The following CDHR1 variants were observed in gnomAD, a reference collection of about 807,000 sequenced individuals.
CDHR1 encodes the protein cadherin-related family member 1.
Under a neutral mutation model 72.1 loss-of-function variants are expected in CDHR1, and 61 were observed. That is an observed-to-expected ratio of 0.85 (90% CI 0.69 to 1.05). The LOEUF (loss-of-function observed/expected upper bound fraction) is 1.05. Among genes scored for constraint, CDHR1 ranks in the 50% least tolerant of loss-of-function variants. The probability of loss-of-function intolerance (pLI) is 0.00; values close to 1 mark genes in which losing one functional copy is unlikely to be tolerated. For synonymous variants in CDHR1, 470 were observed against 448.1 expected (o/e 1.05, Z -0.62); for missense variants, 1,186 against 1,115.7 (o/e 1.06, Z -0.90).
Position 84,217,879 on chromosome 10 carries a change from C to G in CDHR1, c.*3258C>G. 1.0e-6 allele frequency: 1 copy of G among 985,462 alleles called. No homozygotes were observed. The highest frequency in any genetic ancestry group is 1.2e-6 in the Non-Finnish European group (1 of 829,982). The allele number at this position is 985,462 out of a possible 1,614,324, so 61.0% of individuals were successfully genotyped here. A position where few individuals can be genotyped will look rare whatever the true frequency, so the allele number is the denominator to read the frequency against. Reference sequence around the variant, plus strand: ...GTTGACATTCCAGGGGAGTTAGGAACAATGAGAGGTCTCTAAGAACTTGTG... The same window carrying G: ...GTTGACATTCCAGGGGAGTTAGGAAGAATGAGAGGTCTCTAAGAACTTGTG... On this transcript the variant is annotated 3_prime_UTR_variant, in exon 17 of 17. Transcript: ENST00000623527.
At chr10:84,203,258 C>T in intron 8 of CDHR1, 135 bp downstream of exon 8, 3 of 1,106,174 alleles carry the variant, frequency 2.7e-6, no homozygotes, top group Non-Finnish European at 4.0e-6. Context: ...CAGCTCTGGA[C>T]TCACCCAGCC....
At chr10:84,210,928 G>A in intron 12 of CDHR1, 73 bp from the exon 13 acceptor site, 1 of 1,495,826 alleles carries the variant, frequency 6.7e-7, no homozygotes, top group Non-Finnish European at 9.3e-7. Flanking sequence ...TCAGTCCTGG[G>A]GAGATGAGGT....
At chr10:84,199,569 A>T (rs4933974) in intron 5 of CDHR1, among the ~76,000 whole-genome samples, 3 of 152,238 alleles carry the variant, frequency 2.0e-5, no homozygotes, top group East Asian at 3.9e-4. Context: ...GGTAACTATC[A>T]TTTTAATAGC....
chr10:84,201,811 T>C lies in CDHR1; in HGVS notation c.530T>C (p.Leu177Pro). 1 of 1,610,116 alleles carries C rather than the reference T, an allele frequency of 6.2e-7. No homozygotes were observed. Among genetic ancestry groups the C allele is most frequent in the Non-Finnish European group, 8.5e-7 (1 of 1,179,808 alleles). ...GGSVTYFLQN[L>P]HSPFAVDRHS... ...GCTGCCCCCTAATTCTTATAGAACC[T>C]GCACTCCCCATTTGCCGTGGACCGC... is the stretch of plus-strand genomic sequence containing the variant. The change falls in exon 7 of 17, where the codon CTG (leucine) becomes CCG (proline). Residue 177 changes from leucine (L) to proline (P), a missense_variant. By Grantham distance (98) the Leu-to-Pro change is moderately conservative. Coordinates refer to ENST00000623527, the MANE Select transcript of CDHR1 (RefSeq NM_033100.4).
intron 14 of CDHR1, among the ~76,000 whole-genome samples, chr10:84,211,925 G>T (rs1320324556): frequency 6.6e-6 from 1 of 152,204 alleles, no homozygotes. Context: ...GCTGGCTGGG[G>T]AGGGGGCAGG....
chr10:84,195,504 C>G lies in CDHR1; in HGVS notation c.66C>G (p.Asn22Lys). The change falls in exon 2 of 17, where the codon AAC (asparagine) becomes AAG (lysine). Residue 22 changes from asparagine (N) to lysine (K), a missense_variant. Asn to Lys is a moderately conservative substitution (Grantham distance 94). Transcript: ENST00000623527. ...GTGTTCTTTTTCCAGCTCAGGCCAA[C>G]TTCGCCCCGCACTTCTTCGACAACG... ...GLLRLCLAQA[N>K]FAPHFFDNGV... The G allele has an allele frequency of 6.2e-7, 1 of 1,614,078 alleles. No homozygotes were observed. The highest frequency in any genetic ancestry group is 1.7e-5 in the Admixed American group (1 of 60,022).
At position 84,194,820 on chromosome 10, in the gene CDHR1, G is replaced by A. The variant is rs777630035; in HGVS notation, c.55+5G>A. The A allele has an allele frequency of 7.8e-6, 12 of 1,532,946 alleles. No individual in the cohort carries two copies. The highest frequency in any genetic ancestry group is 3.9e-5 in the Admixed American group (2 of 50,930). 95.0% of individuals were successfully genotyped at this position (1,532,946 alleles called of 1,614,324 possible). The stretch of plus-strand genomic sequence containing the variant: ...GGCTGCTGCGCCTCTGCTTGGGTGA[G>A]TGGCCGCTGGGCCGCGCTGGCCGCG... On this transcript the variant is annotated splice_donor_5th_base_variant and intron_variant, in intron 1 of 16. Coordinates refer to ENST00000623527, the MANE Select transcript of CDHR1 (RefSeq NM_033100.4).
chr10:84,214,249 G>C lies in CDHR1; in HGVS notation c.2208G>C (p.Met736Ile). The C allele has an allele frequency of 6.2e-7, 1 of 1,613,516 alleles. No individual in the cohort carries two copies. The highest frequency in any genetic ancestry group is 1.1e-5 in the South Asian group (1 of 91,070). The change falls in exon 17 of 17, where the codon ATG becomes ATC. Residue 736 changes from methionine to isoleucine, a missense_variant. Physicochemically the swap from Met to Ile is conservative, Grantham distance 10. Coordinates refer to ENST00000623527, the MANE Select transcript of CDHR1 (RefSeq NM_033100.4). ...RNKKSNKVLP[M>I]RRVLRKRPSP... Reference sequence around the variant, plus strand: ...AGAAGTCTAACAAGGTCCTGCCAATGCGGCGGGTGCTCCGCAAGCGGCCCA... The same window carrying C: ...AGAAGTCTAACAAGGTCCTGCCAATCCGGCGGGTGCTCCGCAAGCGGCCCA...
intron 9 of CDHR1, among the ~76,000 whole-genome samples, chr10:84,205,362 C>T (rs1486688000): frequency 6.6e-6 from 1 of 152,066 alleles, no homozygotes. Context: ...CAAACCTTTA[C>T]CCAGTCCTTG....
At position 84,208,796 on chromosome 10, in the gene CDHR1, C is replaced by G. The variant is rs1236899952; in HGVS notation, c.1235C>G (p.Thr412Arg). ...GGCATCTTCCGAGTGGTTCCACAGA[C>G]AGTCCTGAATGAAGCCCAAGTCACA... ...PRGIFRVVPQTVLNEAQVTII... is the reference protein window; with the variant it reads ...PRGIFRVVPQRVLNEAQVTII... The change falls in exon 12 of 17, where the codon ACA (threonine) becomes AGA (arginine). Residue 412 changes from threonine to arginine, a missense_variant. Thr to Arg is a moderately conservative substitution (Grantham distance 71). Transcript: ENST00000623527. 1 of 1,614,082 alleles carries G rather than the reference C, an allele frequency of 6.2e-7. No homozygotes were observed. Among genetic ancestry groups the G allele is most frequent in the Non-Finnish European group, 8.5e-7 (1 of 1,180,024 alleles).
intron 4 of CDHR1, among the ~76,000 whole-genome samples, chr10:84,198,255 G>A (rs926561357): frequency 5.3e-5 from 8 of 152,146 alleles, no homozygotes; most frequent in Non-Finnish European, 7.4e-5. Flanking sequence ...CAGGCTCTCC[G>A]ACCCCAACTG....
intron 2 of CDHR1, among the ~76,000 whole-genome samples, chr10:84,196,001 T>A (rs1389657930): frequency 6.6e-6 from 1 of 152,056 alleles, no homozygotes; most frequent in Non-Finnish European, 1.5e-5. Flanking sequence ...ACTTTGTGGG[T>A]AGTGGGAACC....
chr10:84,208,114 A>AT, intron 10 of CDHR1, 60 bp from the exon 11 acceptor site: 2 of 1,441,994 alleles, frequency 1.4e-6, no homozygotes, highest in South Asian at 2.3e-5. Context: ...GGGAGGTAGG[A>AT]GCTGGACCAT....
downstream of CDHR1, chr10:84,219,018 T>G (rs1304865012): frequency 1.3e-5 from 9 of 697,890 alleles, no homozygotes; most frequent in Middle Eastern, 2.9e-4. Flanking sequence ...AGGTAAGGAC[T>G]GTTATTATCC....
At position 84,218,249 on chromosome 10, in the gene CDHR1, C is replaced by T; in HGVS notation, c.*3628C>T. 1.0e-6 allele frequency: 1 copy of T among 985,366 alleles called. No homozygotes were observed. The highest frequency in any genetic ancestry group is 1.2e-6 in the Non-Finnish European group (1 of 829,918). The allele number at this position is 985,366 out of a possible 1,614,324, so 61.0% of individuals were successfully genotyped here. On this transcript the variant is annotated 3_prime_UTR_variant, in exon 17 of 17. Transcript: ENST00000623527. ...CCTAGGGAGGGGTTCTCTGAAGGGC[C>T]TAGTTTCCAGAATGAGGCGGTCATG...
In CDHR1 at chr10:84,216,684, T is replaced by C. The variant is rs1842431013; in HGVS notation, c.*2063T>C. 1 of 985,386 alleles carries C rather than the reference T, an allele frequency of 1.0e-6. No homozygotes were observed. Among genetic ancestry groups the C allele is most frequent in the Non-Finnish European group, 1.2e-6 (1 of 829,956 alleles). 61.0% of individuals were successfully genotyped at this position (985,386 alleles called of 1,614,324 possible). ...TGACTCTAAAGAAGGCTGAAAATTT[T>C]TGTCCAAATTGCCATGCAGATATCT... On this transcript the variant is annotated 3_prime_UTR_variant, in exon 17 of 17. Transcript: ENST00000623527.
At chr10:84,213,985 G>A in intron 16 of CDHR1, 97 bp from the exon 17 acceptor site, 1 of 1,548,082 alleles carries the variant, frequency 6.5e-7, no homozygotes, top group South Asian at 1.1e-5. Context: ...ACTCCAGAAA[G>A]TTTAAAAACC....
In CDHR1 at chr10:84,217,314, GC is replaced by G; in HGVS notation, c.*2696del. ...CACTGGGCAGGCTTGCCCATTCCTG[GC>G]CCTGAGAATGGAGCTGTAGCCTCAT... On this transcript the variant is annotated 3_prime_UTR_variant, in exon 17 of 17. Transcript: ENST00000623527. 1.0e-6 allele frequency: 1 copy of G among 985,468 alleles called. No individual in the cohort carries two copies. Among genetic ancestry groups the G allele is most frequent in the Non-Finnish European group, 1.2e-6 (1 of 829,946 alleles). 61.0% of individuals were successfully genotyped at this position (985,468 alleles called of 1,614,324 possible). A position where few individuals can be genotyped will look rare whatever the true frequency, so the allele number is the denominator to read the frequency against.
In CDHR1 at chr10:84,217,466, C is replaced by T. The variant is rs1044576298; in HGVS notation, c.*2845C>T. 1 of 982,346 alleles carries T rather than the reference C, an allele frequency of 1.0e-6. No homozygotes were observed. The highest frequency in any genetic ancestry group is 1.7e-5 in the African/African-American group (1 of 57,168). The allele number at this position is 982,346 out of a possible 1,614,324, so 60.9% of individuals were successfully genotyped here. Reference sequence around the variant, plus strand: ...AGTTTGACAGCCCTAGGTCTGAATTCTGGTTCTGCCATTAATTGTGACTTT... The same window carrying T: ...AGTTTGACAGCCCTAGGTCTGAATTTTGGTTCTGCCATTAATTGTGACTTT... On this transcript the variant is annotated 3_prime_UTR_variant, in exon 17 of 17. Transcript: ENST00000623527.
Sources: allele counts gnomAD v4.1 joint callset (sites outside exome capture counted in the v4.1 genomes callset), GRCh38; gene constraint gnomAD v4.1.1; transcripts MANE v1.5; gene names NCBI Gene and HGNC (gene_info 2026-07-23, HGNC 2026-07-21).